RAD51B: variants seen among roughly 807,000 people sequenced by gnomAD.
The protein encoded by RAD51B is RAD51 paralog B, also known as DNA repair protein RAD51 homolog 2.
In RAD51B, 38 loss-of-function variants were observed where a neutral mutation model predicts 42.2. The ratio of observed to expected loss-of-function variants is 0.90; its 90% CI spans 0.70 to 1.18. The LOEUF is 1.18. RAD51B is among the 50% of genes most tolerant of loss of function. RAD51B has a pLI of 0.00. For missense variants in RAD51B, 373 were observed against 400.7 expected, an observed-to-expected ratio of 0.93 and a Z score of 0.59; for synonymous variants, 154 against 145.2, an observed-to-expected ratio of 1.06 and a Z score of -0.43.
intron 10 of RAD51B, among the ~76,000 whole-genome samples, chr14:68,551,164 T>TCCCCACA (rs1363477119): frequency 6.6e-6 from 1 of 152,098 alleles, no homozygotes; most frequent in Non-Finnish European, 1.5e-5. Context: ...AGGCGTGCTC[T>TCCCCACA]CCCCACACGG....
chr14:68,349,491 C>T (rs1458351954), intron 8 of RAD51B, among the ~76,000 whole-genome samples: 1 of 152,182 alleles, frequency 6.6e-6, no homozygotes, highest in Non-Finnish European at 1.5e-5. Flanking sequence ...CTCACCCTCT[C>T]TAGAAGCTGG....
intron 10 of RAD51B, among the ~76,000 whole-genome samples, chr14:68,510,752 T>A (rs1013061642): frequency 1.3e-5 from 2 of 152,216 alleles, no homozygotes; most frequent in African/African-American, 4.8e-5. Context: ...GGCTGATGGT[T>A]GCCATGATTT....
At chr14:68,659,610 G>A (rs373504176) in intron 11 of RAD51B, among the ~76,000 whole-genome samples, 1 of 152,172 alleles carries the variant, frequency 6.6e-6, no homozygotes, top group South Asian at 2.1e-4. Flanking sequence ...ACACTGCACC[G>A]GGGCAAGCCA....
chr14:68,446,086 G>A (rs749183213), intron 9 of RAD51B, among the ~76,000 whole-genome samples: 29 of 152,128 alleles, frequency 1.9e-4, no homozygotes, highest in Non-Finnish European at 3.4e-4. Context: ...TCCAGGGAAT[G>A]CTGATAATAA....
At chr14:68,595,601 C>G (rs1878848788) in exon 11 of RAD51B, 1 of 1,066,064 alleles carries the variant, frequency 9.4e-7, no homozygotes, top group Non-Finnish European at 1.1e-6. Flanking sequence ...AAGGGAGCAG[C>G]CTGAGTCAGT....
intron 7 of RAD51B, among the ~76,000 whole-genome samples, chr14:67,962,854 A>G (rs1782944923): frequency 6.6e-6 from 1 of 152,200 alleles, no homozygotes; most frequent in African/African-American, 2.4e-5. Flanking sequence ...TAAAACAAAT[A>G]TATACAATAA....
chr14:68,145,228 A>G (rs11851405), intron 7 of RAD51B, among the ~76,000 whole-genome samples: 173 of 152,342 alleles, frequency 1.1e-3, no homozygotes, highest in African/African-American at 4.0e-3. Context: ...GTGGTTTTCC[A>G]TTATAACACC....
intron 3 of RAD51B, among the ~76,000 whole-genome samples, chr14:67,828,493 A>G (rs933199519): frequency 2.6e-5 from 4 of 151,562 alleles, no homozygotes; most frequent in Non-Finnish European, 4.4e-5. Flanking sequence ...ATTAGATCCC[A>G]CTTGTCAATT....
intron 7 of RAD51B, among the ~76,000 whole-genome samples, chr14:68,201,452 G>A (rs1202901582): frequency 6.6e-6 from 1 of 152,190 alleles, no homozygotes; most frequent in South Asian, 2.1e-4. Context: ...CAATCAACTT[G>A]TGCTTTCATC....
At chr14:68,247,857 A>G (rs2080532451) in intron 7 of RAD51B, among the ~76,000 whole-genome samples, 1 of 152,248 alleles carries the variant, frequency 6.6e-6, no homozygotes, top group South Asian at 2.1e-4. Flanking sequence ...AATGGCAGAC[A>G]TAACTGCAAA....
intron 7 of RAD51B, among the ~76,000 whole-genome samples, chr14:68,000,476 CT>C (rs2075461204): frequency 6.6e-6 from 1 of 152,108 alleles, no homozygotes; most frequent in Non-Finnish European, 1.5e-5. Flanking sequence ...AACTAATATA[CT>C]TTCTACATAT....
intron 7 of RAD51B, among the ~76,000 whole-genome samples, chr14:68,273,366 C>T (rs1042168421): frequency 1.3e-5 from 2 of 152,296 alleles, no homozygotes; most frequent in East Asian, 1.9e-4. Flanking sequence ...CCAAAGCTCC[C>T]GGACCAGGCT....
At chr14:68,153,914 A>G (rs187861114) in intron 7 of RAD51B, among the ~76,000 whole-genome samples, 1 of 152,328 alleles carries the variant, frequency 6.6e-6, no homozygotes, top group Admixed American at 6.5e-5. Context: ...TGTTCTCATT[A>G]TTCTCCACCT....
intron 7 of RAD51B, among the ~76,000 whole-genome samples, chr14:68,172,434 G>A (rs2078891555): frequency 6.6e-6 from 1 of 152,208 alleles, no homozygotes; most frequent in African/African-American, 2.4e-5. Context: ...TGGAGAATAA[G>A]AAGGTTAGCT....
intron 10 of RAD51B, among the ~76,000 whole-genome samples, chr14:68,530,275 C>T (rs1887193902): frequency 6.6e-6 from 1 of 151,364 alleles, no homozygotes; most frequent in Admixed American, 6.6e-5. Flanking sequence ...GAGACCCCAT[C>T]TCTACAAAAA....
intron 5 of RAD51B, among the ~76,000 whole-genome samples, chr14:67,879,504 A>G (rs1399067370): frequency 6.6e-6 from 1 of 151,874 alleles, no homozygotes; most frequent in Non-Finnish European, 1.5e-5. Context: ...GTGCAGTGAC[A>G]TGATCATAGT....
chr14:68,261,629 G>A (rs2060227217), intron 7 of RAD51B, among the ~76,000 whole-genome samples: 1 of 152,070 alleles, frequency 6.6e-6, no homozygotes, highest in African/African-American at 2.4e-5. Context: ...TTTTGTATTG[G>A]GAGGTTTAAG....
At chr14:68,450,385 A>T (rs2085528759) in intron 9 of RAD51B, among the ~76,000 whole-genome samples, 1 of 151,882 alleles carries the variant, frequency 6.6e-6, no homozygotes, top group African/African-American at 2.4e-5. Context: ...CACCCAGCTA[A>T]TTTTTGTATT....
At chr14:68,338,592 A>G (rs886639051) in intron 8 of RAD51B, 3 of 283,882 alleles carry the variant, frequency 1.1e-5, no homozygotes, top group Non-Finnish European at 1.4e-5. Context: ...GGGCCCACCC[A>G]TGTGTAGGTT....
Sources: allele counts gnomAD v4.1 joint callset (sites outside exome capture counted in the v4.1 genomes callset), GRCh38; gene constraint gnomAD v4.1.1; transcripts MANE v1.5; gene names NCBI Gene and HGNC (gene_info 2026-07-23, HGNC 2026-07-21).